Variants in SHQ1 observed in about 807,000 individuals in gnomAD.
SHQ1 encodes the protein SHQ1, H/ACA ribonucleoprotein assembly factor.
In SHQ1, 49 loss-of-function variants were observed where a neutral mutation model predicts 53.8. That is an observed-to-expected ratio of 0.91 (90% confidence interval 0.72 to 1.16). The LOEUF (loss-of-function observed/expected upper bound fraction) is 1.16. Among genes scored for constraint, SHQ1 ranks in the 50% most tolerant of loss-of-function variants. SHQ1 has a pLI of 0.00. For synonymous variants in SHQ1, 243 were observed against 251.0 expected (o/e 0.97, Z 0.30); for missense variants, 738 against 683.1 (o/e 1.08, Z -0.90).
At chr3:72,762,838 C>A (rs936630420) in intron 10 of SHQ1, among the ~76,000 whole-genome samples, 13 of 151,992 alleles carry the variant, frequency 8.6e-5, no homozygotes, top group Non-Finnish European at 1.6e-4. Context: ...CCACGCCTGG[C>A]TAATTTTTGT....
At chr3:72,821,088 T>C (rs181809241) in intron 6 of SHQ1, among the ~76,000 whole-genome samples, 1 of 152,340 alleles carries the variant, frequency 6.6e-6, no homozygotes, top group East Asian at 1.9e-4. Context: ...TATTACATTG[T>C]ACATTCACTG....
At chr3:72,822,317 ATGAC>A (rs536136346) in intron 6 of SHQ1, among the ~76,000 whole-genome samples, 61 of 152,320 alleles carry the variant, frequency 4.0e-4, no homozygotes, top group African/African-American at 1.5e-3. Context: ...TTTGCAGACT[ATGAC>A]TGTTCCTGAT....
the SHQ1 span, among the ~76,000 whole-genome samples, chr3:72,741,588 T>A: frequency 0.24 from 34,356 of 143,702 alleles, 4,086 homozygotes; most frequent in Non-Finnish European, 0.26. Flanking sequence ...CTGTCTCAAA[T>A]AAAAAAAAAA....
At chr3:72,751,492 G>GTACATATA (rs1705368313) in intron 10 of SHQ1, among the ~76,000 whole-genome samples, 3 of 98,900 alleles carry the variant, frequency 3.0e-5, no homozygotes, top group African/African-American at 5.5e-5. Context: ...GTGTGTGTGT[G>GTACATATA]TGTGTGTGTG....
At position 72,781,120 on chromosome 3, in the gene SHQ1, C is replaced by T. The variant is rs528997294; in HGVS notation, c.1181+11796G>A. 8.1e-5 allele frequency among the ~76,000 whole-genome samples: 12 copies of T among 147,346 alleles called. No individual in the cohort carries two copies. In the South Asian group the frequency reaches 2.2e-3, roughly 26 times the overall value. ...TGTCACCCAGGCTAGAGTGCAGTGA[C>T]GCAATCTTGGCTCACTGCAACCTCT... On this transcript the variant is annotated intron_variant, in intron 10 of 10. Coordinates refer to ENST00000325599, the MANE Select transcript of SHQ1 (RefSeq NM_018130.3).
At chr3:72,803,526 C>A (rs956057224) in intron 9 of SHQ1, among the ~76,000 whole-genome samples, 1 of 152,196 alleles carries the variant, frequency 6.6e-6, no homozygotes, top group Non-Finnish European at 1.5e-5. Context: ...TACTTCAATG[C>A]TGGCCACTAT....
Position 72,752,471 on chromosome 3 carries a change from A to G in SHQ1, c.1182-1635T>C, listed in dbSNP as rs555139375. Among the ~76,000 whole-genome samples the G allele has an allele frequency of 8.5e-5, 13 of 152,276 alleles. 1 individual carries two copies. Among genetic ancestry groups the G allele is most frequent in the African/African-American group, 2.2e-4 (9 of 41,566 alleles). On this transcript the variant is annotated intron_variant, in intron 10 of 10. Transcript: ENST00000325599. The stretch of plus-strand genomic sequence containing the variant: ...TTAAAATGTACAAGGAGGAAAAGCA[A>G]TATCAGCAGCATGGAGTGCTTTTTC...
At chr3:72,839,554 T>C (rs1708097872) in intron 4 of SHQ1, among the ~76,000 whole-genome samples, 1 of 152,184 alleles carries the variant, frequency 6.6e-6, no homozygotes, top group Admixed American at 6.5e-5. Context: ...TCTTTTTAAA[T>C]TTTCAAGACA....
At chr3:72,826,177 A>G (rs1707650263) in intron 5 of SHQ1, among the ~76,000 whole-genome samples, 1 of 152,230 alleles carries the variant, frequency 6.6e-6, no homozygotes, top group South Asian at 2.1e-4. Context: ...TATTAGACAA[A>G]ACTGAACAGC....
the SHQ1 span, among the ~76,000 whole-genome samples, chr3:72,732,078 T>C: frequency 6.6e-6 from 1 of 151,540 alleles, no homozygotes; most frequent in African/African-American, 2.4e-5. Flanking sequence ...TTCCTTGGAT[T>C]TTTGTTTTCA....
intron 9 of SHQ1, among the ~76,000 whole-genome samples, chr3:72,806,936 G>A (rs1244843128): frequency 3.3e-5 from 5 of 152,120 alleles, no homozygotes; most frequent in Admixed American, 2.6e-4. Context: ...TAGTGAACAC[G>A]CTCCCCGGCT....
Position 72,824,524 on chromosome 3 carries a change from A to C in SHQ1, c.627T>G (p.Ile209Met). 1 of 1,610,508 alleles carries C rather than the reference A, an allele frequency of 6.2e-7. No individual in the cohort carries two copies. Among genetic ancestry groups the C allele is most frequent in the Non-Finnish European group, 8.5e-7 (1 of 1,178,880 alleles). The part of the protein sequence containing the change: ...YLADFFEDEA[I>M]EQILKYNPWW... ...AAGGATTATACTTCAAAATCTGTTC[A>C]ATCGCCTCATCTTCAAAAAAGTCAG... The change falls in exon 6 of 11, where the codon ATT becomes ATG. Residue 209 changes from isoleucine (I) to methionine (M), a missense_variant. Ile to Met is a conservative substitution (Grantham distance 10). Transcript: ENST00000325599.
intron 10 of SHQ1, among the ~76,000 whole-genome samples, chr3:72,768,807 G>T (rs1020496179): frequency 6.6e-6 from 1 of 152,112 alleles, no homozygotes; most frequent in Admixed American, 6.5e-5. Flanking sequence ...CGTTCAACAT[G>T]AGCCACCAGG....
At chr3:72,726,675 A>G in the SHQ1 span, among the ~76,000 whole-genome samples, 1 of 152,148 alleles carries the variant, frequency 6.6e-6, no homozygotes, top group East Asian at 1.9e-4. Flanking sequence ...TGGGCTGAAT[A>G]CAGGAAAGCG....
chr3:72,753,513 A>G, intron 10 of SHQ1: 2 of 985,314 alleles, frequency 2.0e-6, no homozygotes, highest in South Asian at 9.4e-5. Context: ...ATGTGTAATC[A>G]GGCCACAGAA....
chr3:72,829,114 A>C lies in SHQ1; in HGVS notation c.599+3255T>G, dbSNP rs552119777. On this transcript the variant is annotated intron_variant, in intron 5 of 10. Transcript: ENST00000325599. ...ATTGATTGAATGTGTGGGATAAGAA[A>C]GAAGGCAAAGATGAATCCCCGCTTT... is the stretch of plus-strand genomic sequence containing the variant. Among the ~76,000 whole-genome samples the C allele has an allele frequency of 7.9e-5, 12 of 152,330 alleles. No individual in the cohort carries two copies. The South Asian group carries it at 1.0e-3, about 13-fold the overall frequency.
At chr3:72,744,930 G>C (rs188118322), downstream of SHQ1, among the ~76,000 whole-genome samples, 41 of 134,778 alleles carry the variant, frequency 3.0e-4, no homozygotes, top group Admixed American at 2.9e-4. Flanking sequence ...CATTGGGGGG[G>C]GGGGGTGGTT....
intron 4 of SHQ1, among the ~76,000 whole-genome samples, chr3:72,832,875 C>T (rs1349487416): frequency 6.6e-6 from 1 of 152,204 alleles, no homozygotes; most frequent in East Asian, 1.9e-4. Flanking sequence ...CAGACATCTA[C>T]ACGGTCTCTT....
At chr3:72,817,131 A>C in intron 7 of SHQ1, 99 bp downstream of exon 7, 1 of 1,312,786 alleles carries the variant, frequency 7.6e-7, no homozygotes, top group Non-Finnish European at 1.0e-6. Flanking sequence ...TGAATAACTG[A>C]TCACCACCAG....
Sources: gnomAD v4.1 joint callset for allele counts (sites outside exome capture counted in the v4.1 genomes callset) on GRCh38, gnomAD v4.1.1 for gene constraint, MANE v1.5 for transcripts, NCBI Gene and HGNC (gene_info 2026-07-23, HGNC 2026-07-21) for gene names.